Variants in ZPLD1 observed in about 807,000 individuals in gnomAD.
ZPLD1 encodes zona pellucida-like domain-containing protein 1.
ZPLD1 carries 34 observed loss-of-function variants against 47.2 expected under a neutral mutation model. The observed-to-expected ratio is 0.72, with a 90% confidence interval of 0.55 to 0.96. ZPLD1 has a LOEUF of 0.96. Among genes scored for constraint, ZPLD1 ranks in the 40% least tolerant of loss-of-function variants. The pLI is 0.00. For missense variants in ZPLD1, 512 were observed against 505.8 expected, an observed-to-expected ratio of 1.01 and a Z score of -0.12; for synonymous variants, 176 against 186.2, an observed-to-expected ratio of 0.95 and a Z score of 0.45.
chr3:102,435,664 A>G (rs749054503), intron 1 of ZPLD1, among the ~76,000 whole-genome samples: 2 of 132,444 alleles, frequency 1.5e-5, no homozygotes, highest in Non-Finnish European at 3.1e-5. Flanking sequence ...TTTTTCTGAG[A>G]CGGAGTCTTG....
chr3:102,465,488 G>T (rs1225684967), intron 8 of ZPLD1, among the ~76,000 whole-genome samples: 2 of 152,076 alleles, frequency 1.3e-5, no homozygotes, highest in Non-Finnish European at 2.9e-5. Context: ...TGTATATAAT[G>T]AACTTCATTT....
chr3:102,423,755 T>A (rs1706908440), intron 8 of ZPLD1, among the ~76,000 whole-genome samples: 1 of 152,102 alleles, frequency 6.6e-6, no homozygotes, highest in South Asian at 2.1e-4. Flanking sequence ...AACTAGAGAT[T>A]TCAACGTGGA....
chr3:102,394,485 A>C (rs563267029), intron 7 of ZPLD1, among the ~76,000 whole-genome samples: 1 of 152,288 alleles, frequency 6.6e-6, no homozygotes, highest in East Asian at 1.9e-4. Context: ...GGTAACTTTA[A>C]AAGTTTCATT....
At chr3:102,409,600 CCTT>C (rs1706728145) in intron 7 of ZPLD1, among the ~76,000 whole-genome samples, 1 of 151,720 alleles carries the variant, frequency 6.6e-6, no homozygotes, top group African/African-American at 2.4e-5. Context: ...GTTTCCAAAT[CCTT>C]CTAAATCCTT....
At chr3:102,427,524 AGG>A (rs1207534036) in intron 8 of ZPLD1, among the ~76,000 whole-genome samples, 2 of 152,242 alleles carry the variant, frequency 1.3e-5, no homozygotes, top group African/African-American at 4.8e-5. Flanking sequence ...ATTCTGATAA[AGG>A]AGGTGATATT....
At chr3:102,408,201 C>T (rs6771425) in intron 7 of ZPLD1, among the ~76,000 whole-genome samples, 3,616 of 151,800 alleles carry the variant, frequency 0.024, 151 homozygotes, top group African/African-American at 0.083. Context: ...CTCATGCTCA[C>T]AAGCACAAAA....
chr3:102,402,248 A>G (rs1242634442), intron 7 of ZPLD1, among the ~76,000 whole-genome samples: 1 of 151,996 alleles, frequency 6.6e-6, no homozygotes, highest in Non-Finnish European at 1.5e-5. Flanking sequence ...AGTCAATTAG[A>G]AAAAATTTTA....
chr3:102,391,004 CCTT>C (rs771035851), intron 6 of ZPLD1, among the ~76,000 whole-genome samples: 13 of 152,060 alleles, frequency 8.5e-5, no homozygotes, highest in Non-Finnish European at 1.8e-4. Flanking sequence ...TTTTTAGTCT[CCTT>C]AGAAAATTAT....
At chr3:102,453,265 C>G in intron 4 of ZPLD1, 126 bp downstream of exon 4, 1 of 860,246 alleles carries the variant, frequency 1.2e-6, no homozygotes, top group Non-Finnish European at 1.8e-6. Context: ...AATCACTTTC[C>G]TTTGCCTGTT....
intron 4 of ZPLD1, 102 bp downstream of exon 4, chr3:102,453,241 A>T: frequency 9.5e-7 from 1 of 1,052,482 alleles, no homozygotes. Context: ...TGAGAAAAAA[A>T]ATAAAATTGA....
At chr3:102,450,115 A>G (rs1707314081) in intron 3 of ZPLD1, among the ~76,000 whole-genome samples, 1 of 152,172 alleles carries the variant, frequency 6.6e-6, no homozygotes, top group Non-Finnish European at 1.5e-5. Flanking sequence ...GGTAAATAAA[A>G]TTTGAAACCT....
intron 7 of ZPLD1, among the ~76,000 whole-genome samples, chr3:102,411,353 T>C (rs1049689807): frequency 6.6e-6 from 1 of 151,820 alleles, no homozygotes; most frequent in Non-Finnish European, 1.5e-5. Context: ...TCAAAGGGTA[T>C]GATCTCTTCT....
intron 8 of ZPLD1, among the ~76,000 whole-genome samples, chr3:102,465,618 A>G (rs921143580): frequency 2.6e-5 from 4 of 152,120 alleles, no homozygotes; most frequent in African/African-American, 7.2e-5. Flanking sequence ...TATAATCCTC[A>G]TATATTGATA....
intron 7 of ZPLD1, among the ~76,000 whole-genome samples, chr3:102,412,957 C>A (rs1706762540): frequency 6.6e-6 from 1 of 151,624 alleles, no homozygotes; most frequent in Non-Finnish European, 1.5e-5. Context: ...TATCATTATT[C>A]AAATGATTTT....
chr3:102,451,859 TTTACCCCAGTA>T (rs1707340809), intron 3 of ZPLD1, among the ~76,000 whole-genome samples: 1 of 152,096 alleles, frequency 6.6e-6, no homozygotes, highest in African/African-American at 2.4e-5. Flanking sequence ...ACAGGTTCAT[TTTACCCCAGTA>T]TTACCTCATC....
intron 6 of ZPLD1, among the ~76,000 whole-genome samples, chr3:102,458,058 TAA>T (rs1263351114): frequency 6.6e-6 from 1 of 152,230 alleles, no homozygotes; most frequent in Non-Finnish European, 1.5e-5. Context: ...AAAGTTGATA[TAA>T]GATTTAAATT....
intron 6 of ZPLD1, among the ~76,000 whole-genome samples, chr3:102,388,334 T>G (rs2107282118): frequency 6.6e-6 from 1 of 152,260 alleles, no homozygotes; most frequent in Non-Finnish European, 1.5e-5. Context: ...TTGGCAATGT[T>G]TTACAATCTT....
At chr3:102,408,794 C>A (rs916682127) in intron 7 of ZPLD1, among the ~76,000 whole-genome samples, 7 of 151,736 alleles carry the variant, frequency 4.6e-5, no homozygotes, top group Non-Finnish European at 8.8e-5. Flanking sequence ...TGACGTTTGT[C>A]CTTTAAATTT....
intron 6 of ZPLD1, among the ~76,000 whole-genome samples, chr3:102,460,711 C>T (rs912947840): frequency 2.0e-5 from 3 of 151,948 alleles, no homozygotes; most frequent in Non-Finnish European, 3.0e-5. Context: ...CAGAAAATTA[C>T]CTCTTAGAAG....
Sources: allele counts gnomAD v4.1 joint callset (sites outside exome capture counted in the v4.1 genomes callset), GRCh38; gene constraint gnomAD v4.1.1; transcripts MANE v1.5; gene names NCBI Gene and HGNC (gene_info 2026-07-23, HGNC 2026-07-21).